Variants in ATP6V1A observed in about 807,000 individuals in gnomAD.
ATP6V1A encodes ATPase H+ transporting V1 subunit A, also known as V-type proton ATPase catalytic subunit A.
A neutral mutation model predicts 70.1 loss-of-function variants in ATP6V1A; 18 were observed. The ratio of observed to expected loss-of-function variants is 0.26; its 90% CI spans 0.18 to 0.38. The LOEUF (loss-of-function observed/expected upper bound fraction) is 0.38, where lower values mean the gene tolerates loss of function less well. Ranked by LOEUF, ATP6V1A falls within the 10% of genes least tolerant of loss-of-function variation. ATP6V1A has a pLI of 1.00. For missense variants in ATP6V1A, 424 were observed against 772.4 expected (o/e 0.55, Z 5.35); for synonymous variants, 232 against 253.8 (o/e 0.91, Z 0.82).
intron 1 of ATP6V1A, among the ~76,000 whole-genome samples, chr3:113,769,626 A>G (rs1708810988): frequency 6.6e-6 from 1 of 152,218 alleles, no homozygotes; most frequent in Admixed American, 6.5e-5. Context: ...TGAAATTACC[A>G]GTTGCATTAA....
At chr3:113,748,429 CCTTT>C (rs558994866) in intron 1 of ATP6V1A, among the ~76,000 whole-genome samples, 9 of 152,158 alleles carry the variant, frequency 5.9e-5, no homozygotes, top group Non-Finnish European at 1.2e-4. Flanking sequence ...TTAAATTACA[CCTTT>C]CTTAATATGA....
chr3:113,783,824 A>G (rs1022808852), intron 3 of ATP6V1A, among the ~76,000 whole-genome samples: 1 of 152,232 alleles, frequency 6.6e-6, no homozygotes, highest in Non-Finnish European at 1.5e-5. Flanking sequence ...GACAATCAAA[A>G]TGGAACAAGT....
Position 113,789,716 on chromosome 3 carries a change from T to C in ATP6V1A, c.880-16T>C, listed in dbSNP as rs142893861. On this transcript the variant is annotated splice_polypyrimidine_tract_variant and intron_variant, in intron 7 of 14. Coordinates refer to ENST00000273398, the MANE Select transcript of ATP6V1A (RefSeq NM_001690.4). Reference sequence around the variant, plus strand: ...CTTAGAAATTGGAGATTCACTAATATATATTTTACCTCTAGCTCACAATGG... The same window carrying C: ...CTTAGAAATTGGAGATTCACTAATACATATTTTACCTCTAGCTCACAATGG... The C allele has an allele frequency of 3.3e-3, 5,074 of 1,554,588 alleles. 145 individuals carry two copies. In the Admixed American group the frequency reaches 0.055, roughly 17 times the overall value.
chr3:113,748,262 T>C (rs1708546692), intron 1 of ATP6V1A, among the ~76,000 whole-genome samples: 4 of 152,184 alleles, frequency 2.6e-5, no homozygotes, highest in South Asian at 2.1e-4. Flanking sequence ...GTCCATAATG[T>C]ATTATTACCA....
rs768463971 is a variant in ATP6V1A, at chr3:113,788,707, G to A, written c.717-6G>A. 6.2e-7 allele frequency: 1 copy of A among 1,609,048 alleles called. No homozygotes were observed. Among genetic ancestry groups the A allele is most frequent in the South Asian group, 1.1e-5 (1 of 90,228 alleles). ...AAGTAATCCATACTTTGTTTTCTTT[G>A]TTTAGGTGTGTCCAGGGAGGAACTA... On this transcript the variant is annotated splice_polypyrimidine_tract_variant and splice_region_variant and intron_variant, in intron 6 of 14. Transcript: ENST00000273398.
intron 12 of ATP6V1A, among the ~76,000 whole-genome samples, chr3:113,801,598 ATGTT>A (rs1286199850): frequency 1.3e-5 from 2 of 152,130 alleles, no homozygotes; most frequent in African/African-American, 4.8e-5. Flanking sequence ...CCTTAAGTGG[ATGTT>A]TGTGATGGTG....
chr3:113,805,034 G>A (rs1461848143), intron 13 of ATP6V1A, among the ~76,000 whole-genome samples: 1 of 152,144 alleles, frequency 6.6e-6, no homozygotes, highest in Non-Finnish European at 1.5e-5. Context: ...CCCTCAGAGA[G>A]TCATTAGATT....
chr3:113,764,998 GA>G lies in ATP6V1A; in HGVS notation c.-13-13726del, dbSNP rs36088874. ...GCCAGACCCAGACCCTGTCTTAATT[GA>G]AAAAAAAAAAAAAAAAGCAGGAATT... On this transcript the variant is annotated intron_variant, in intron 1 of 14. Coordinates refer to ENST00000273398, the MANE Select transcript of ATP6V1A (RefSeq NM_001690.4). Among the ~76,000 whole-genome samples, 424 of 113,418 alleles carry G rather than the reference GA, an allele frequency of 3.7e-3. 3 individuals are homozygous for G. The highest frequency in any genetic ancestry group is 0.036 in the South Asian group (117 of 3,294). 74.4% of individuals were successfully genotyped at this position (113,418 alleles called of 152,430 possible). A position where few individuals can be genotyped will look rare whatever the true frequency, so the allele number is the denominator to read the frequency against.
chr3:113,797,497 C>A (rs1353906927), intron 11 of ATP6V1A, among the ~76,000 whole-genome samples: 2 of 151,862 alleles, frequency 1.3e-5, no homozygotes, highest in Admixed American at 1.3e-4. Flanking sequence ...CTCAGGTGAT[C>A]CACCTGCCTC....
chr3:113,750,387 C>T (rs1338726539), intron 1 of ATP6V1A, among the ~76,000 whole-genome samples: 1 of 152,148 alleles, frequency 6.6e-6, no homozygotes, highest in African/African-American at 2.4e-5. Flanking sequence ...GAGGCTGAGG[C>T]AGGAGAATCA....
intron 12 of ATP6V1A, among the ~76,000 whole-genome samples, chr3:113,799,369 G>T (rs1474393200): frequency 6.6e-6 from 1 of 152,126 alleles, no homozygotes; most frequent in Non-Finnish European, 1.5e-5. Flanking sequence ...AATATTTGAA[G>T]TTTATTACAA....
intron 12 of ATP6V1A, among the ~76,000 whole-genome samples, chr3:113,801,433 GT>G (rs2108042848): frequency 6.6e-6 from 1 of 152,296 alleles, no homozygotes; most frequent in South Asian, 2.1e-4. Flanking sequence ...TAGTTAAAAT[GT>G]CAAATATTGC....
intron 3 of ATP6V1A, among the ~76,000 whole-genome samples, chr3:113,782,816 G>T (rs933844591): frequency 6.6e-6 from 1 of 151,632 alleles, no homozygotes; most frequent in Non-Finnish European, 1.5e-5. Flanking sequence ...TAGAGATGGG[G>T]TTTCACCATC....
chr3:113,803,985 T>TG (rs1320878778), intron 13 of ATP6V1A, among the ~76,000 whole-genome samples: 1 of 152,154 alleles, frequency 6.6e-6, no homozygotes, highest in Non-Finnish European at 1.5e-5. Context: ...CCACTGCCCA[T>TG]GTCTCCTTTA....
Position 113,804,706 on chromosome 3 carries a change from C to T in ATP6V1A, c.1590-648C>T, listed in dbSNP as rs115858656. On this transcript the variant is annotated intron_variant, in intron 13 of 14. Coordinates refer to ENST00000273398, the MANE Select transcript of ATP6V1A (RefSeq NM_001690.4). ...CTAGGAACCACCTACACAAAGATAA[C>T]AAGGGAAAAATTCTTTGGAAAAGGT... 8.7e-3 allele frequency among the ~76,000 whole-genome samples: 1,327 copies of T among 152,218 alleles called. 14 individuals are homozygous for T. Among genetic ancestry groups the T allele is most frequent in the African/African-American group, 0.029 (1,184 of 41,532 alleles).
At chr3:113,802,455 C>G (rs541471802) in intron 12 of ATP6V1A, among the ~76,000 whole-genome samples, 1 of 151,798 alleles carries the variant, frequency 6.6e-6, no homozygotes, top group East Asian at 1.9e-4. Context: ...CTCAGCCCCC[C>G]GAGTAGCTGG....
intron 11 of ATP6V1A, among the ~76,000 whole-genome samples, chr3:113,796,706 G>A (rs1367458366): frequency 1.3e-5 from 2 of 152,098 alleles, no homozygotes; most frequent in Non-Finnish European, 2.9e-5. Flanking sequence ...ATTTACTTGT[G>A]TTTCTGACAG....
At position 113,749,087 on chromosome 3, in the gene ATP6V1A, T is replaced by G. The variant is rs1708556315; in HGVS notation, c.-14+1974T>G. On this transcript the variant is annotated intron_variant, in intron 1 of 14. Transcript: ENST00000273398. Reference sequence around the variant, plus strand: ...GCATTGACTACTAGAGGGGAAAATGTCAGTATGAAAGTGGTTGGATGAGTC... The same window carrying G: ...GCATTGACTACTAGAGGGGAAAATGGCAGTATGAAAGTGGTTGGATGAGTC... 2.0e-5 allele frequency among the ~76,000 whole-genome samples: 3 copies of G among 152,114 alleles called. 1 individual carries two copies. The South Asian group carries it at 6.2e-4, about 32-fold the overall frequency.
intron 12 of ATP6V1A, 191 bp from the exon 13 acceptor site, chr3:113,803,392 A>G (rs1230914473): frequency 7.2e-6 from 4 of 558,456 alleles, no homozygotes; most frequent in Non-Finnish European, 1.3e-5. Context: ...AGTGGCAAAG[A>G]TGGTAAATTT....
Sources: gnomAD v4.1 joint callset for allele counts (sites outside exome capture counted in the v4.1 genomes callset) on GRCh38, gnomAD v4.1.1 for gene constraint, MANE v1.5 for transcripts, NCBI Gene and HGNC (gene_info 2026-07-23, HGNC 2026-07-21) for gene names.